PRKN: variants seen among roughly 807,000 people sequenced by gnomAD.
PRKN encodes E3 ubiquitin-protein ligase parkin.
In PRKN, 56 loss-of-function variants were observed where a neutral mutation model predicts 59.5. That is an observed-to-expected ratio of 0.94 (90% CI 0.76 to 1.18). The LOEUF (loss-of-function observed/expected upper bound fraction) is 1.18, where lower values mean the gene tolerates loss of function less well. Ranked by LOEUF, PRKN falls within the 50% of genes most tolerant of loss-of-function variation. The pLI is 0.00. For missense variants in PRKN, 657 were observed against 596.4 expected, an observed-to-expected ratio of 1.10 and a Z score of -1.06; for synonymous variants, 250 against 222.1, an observed-to-expected ratio of 1.13 and a Z score of -1.12.
chr6:162,358,769 C>T (rs184439584), intron 2 of PRKN, among the ~76,000 whole-genome samples: 13 of 151,874 alleles, frequency 8.6e-5, no homozygotes, highest in African/African-American at 2.9e-4. Flanking sequence ...TCAGAAATCA[C>T]CTTGTTTAGG....
intron 1 of PRKN, among the ~76,000 whole-genome samples, chr6:162,489,021 G>A (rs1037734084): frequency 6.6e-6 from 1 of 152,164 alleles, no homozygotes. Context: ...AGATGAGTAG[G>A]AGTTAACAAT....
At position 162,451,075 on chromosome 6, in the gene PRKN, C is replaced by T. The variant is rs192112606; in HGVS notation, c.8-7602G>A. ...TCTAGATGGAGATCAGACTTGCACA[C>T]AAAGAACAGATTTTCTTTTCAAGAT... On this transcript the variant is annotated intron_variant, in intron 1 of 11. Transcript: ENST00000366898. Among the ~76,000 whole-genome samples the T allele has an allele frequency of 3.5e-3, 525 of 152,092 alleles. 4 individuals carry two copies. Among genetic ancestry groups the T allele is most frequent in the African/African-American group, 0.012 (486 of 41,488 alleles).
At chr6:162,625,721 T>C (rs1782858598) in intron 1 of PRKN, among the ~76,000 whole-genome samples, 2 of 152,070 alleles carry the variant, frequency 1.3e-5, no homozygotes, top group South Asian at 2.1e-4. Flanking sequence ...TGTATATATA[T>C]ATAAACTTAT....
intron 4 of PRKN, among the ~76,000 whole-genome samples, chr6:162,150,248 A>C (rs1782209893): frequency 6.6e-6 from 1 of 152,232 alleles, no homozygotes; most frequent in Non-Finnish European, 1.5e-5. Context: ...GCAATAACTT[A>C]AGTGTGGGCT....
intron 1 of PRKN, among the ~76,000 whole-genome samples, chr6:162,482,012 C>T (rs893200896): frequency 2.6e-5 from 4 of 152,082 alleles, no homozygotes; most frequent in South Asian, 2.1e-4. Context: ...TTTGCTTTTG[C>T]CCCTTTTCTT....
At chr6:161,665,794 C>T (rs1056139767) in intron 7 of PRKN, among the ~76,000 whole-genome samples, 8 of 152,158 alleles carry the variant, frequency 5.3e-5, no homozygotes, top group African/African-American at 1.2e-4. Context: ...CTTATATGAA[C>T]GCCCATTGTG....
intron 2 of PRKN, among the ~76,000 whole-genome samples, chr6:162,390,396 T>TATATATATATATATATATATACACACAC (rs1180636201): frequency 4.2e-4 from 35 of 84,102 alleles, no homozygotes; most frequent in African/African-American, 1.5e-3. Context: ...TATATATATA[T>TATATATATATATATATATATACACACAC]ACACACACAC....
intron 2 of PRKN, among the ~76,000 whole-genome samples, chr6:162,380,473 G>GTATATA (rs3050243): frequency 3.9e-4 from 15 of 38,904 alleles, no homozygotes; most frequent in Middle Eastern, 0.015. Context: ...ATATATGTGT[G>GTATATA]TATATATATG....
Position 162,544,116 on chromosome 6 carries a change from T to C in PRKN, c.8-100643A>G, listed in dbSNP as rs992969957. The stretch of plus-strand genomic sequence containing the variant: ...ACTTTATGAGGATCATGGACAAAAA[T>C]GTTGAGAAGAAACTAACCAAGGAAA... On this transcript the variant is annotated intron_variant, in intron 1 of 11. Transcript: ENST00000366898. Among the ~76,000 whole-genome samples, 11 of 152,186 alleles carry C rather than the reference T, an allele frequency of 7.2e-5. No individual in the cohort carries two copies. The South Asian group carries it at 1.7e-3, about 23-fold the overall frequency.
chr6:161,858,938 T>C (rs992170750), intron 6 of PRKN, among the ~76,000 whole-genome samples: 2 of 119,402 alleles, frequency 1.7e-5, no homozygotes, highest in African/African-American at 6.0e-5. Context: ...CTTGGCTCAC[T>C]GCAACCTCCG....
intron 2 of PRKN, among the ~76,000 whole-genome samples, chr6:162,367,658 G>T (rs1785522811): frequency 6.6e-6 from 1 of 152,074 alleles, no homozygotes; most frequent in Admixed American, 6.6e-5. Context: ...GGCAGGTTGT[G>T]TGTACTATTT....
chr6:161,926,873 C>G (rs1467655130), intron 6 of PRKN, among the ~76,000 whole-genome samples: 1 of 152,240 alleles, frequency 6.6e-6, no homozygotes, highest in South Asian at 2.1e-4. Flanking sequence ...TAGTGGCAAA[C>G]CCTGGGAATC....
intron 7 of PRKN, among the ~76,000 whole-genome samples, chr6:161,657,921 C>A (rs1784407774): frequency 6.9e-6 from 1 of 145,824 alleles, no homozygotes; most frequent in Admixed American, 7.1e-5. Context: ...GAGGCTGAGG[C>A]AGGAGAATCG....
At chr6:161,658,567 T>C (rs1784438735) in intron 7 of PRKN, among the ~76,000 whole-genome samples, 1 of 152,252 alleles carries the variant, frequency 6.6e-6, no homozygotes, top group Admixed American at 6.5e-5. Flanking sequence ...TTTTAATTAC[T>C]ATGGGTACAA....
At chr6:161,598,659 G>T (rs1782002094) in intron 7 of PRKN, among the ~76,000 whole-genome samples, 1 of 152,140 alleles carries the variant, frequency 6.6e-6, no homozygotes, top group South Asian at 2.1e-4. Flanking sequence ...TCCACTCGAT[G>T]GAATGTGTTT....
At chr6:162,054,845 G>A (rs140604388) in intron 4 of PRKN, among the ~76,000 whole-genome samples, 1 of 152,284 alleles carries the variant, frequency 6.6e-6, no homozygotes, top group Non-Finnish European at 1.5e-5. Context: ...GCATTCAACT[G>A]GTTCATAACT....
chr6:161,592,464 T>C lies in PRKN; in HGVS notation c.872-23048A>G, dbSNP rs1781758538. 6.6e-6 allele frequency among the ~76,000 whole-genome samples: 1 copy of C among 152,222 alleles called. No homozygotes were observed. Among genetic ancestry groups the C allele is most frequent in the Non-Finnish European group, 1.5e-5 (1 of 68,044 alleles). On this transcript the variant is annotated intron_variant, in intron 7 of 11. Transcript: ENST00000366898. This position sits in a 1 kb window ranked among gnomAD's most constrained non-coding sequence, Gnocchi z 4.8. The stretch of plus-strand genomic sequence containing the variant: ...TCAATATCATTTGATGATATTAATG[T>C]TCTGATTATGCCTATATTCCTTCTA...
chr6:161,780,645 G>C (rs1954796), intron 7 of PRKN, among the ~76,000 whole-genome samples: 62,761 of 152,020 alleles, frequency 0.41, 13,732 homozygotes, highest in African/African-American at 0.55. Context: ...AAAGATAGAA[G>C]TAATAATCTA....
At chr6:162,230,855 T>A (rs564391016) in intron 3 of PRKN, among the ~76,000 whole-genome samples, 1 of 152,214 alleles carries the variant, frequency 6.6e-6, no homozygotes, top group East Asian at 1.9e-4. Context: ...AAAAATTCTA[T>A]GCATGCCCAT....
Sources: allele counts gnomAD v4.1 joint callset (sites outside exome capture counted in the v4.1 genomes callset), GRCh38; gene constraint gnomAD v4.1.1; non-coding constraint Gnocchi (gnomAD v3.1); transcripts MANE v1.5; gene names NCBI Gene and HGNC (gene_info 2026-07-23, HGNC 2026-07-21).